The following KCNIP4 variants were observed in gnomAD, a reference collection of about 807,000 sequenced individuals.
The protein encoded by KCNIP4 is Kv channel-interacting protein 4.
KCNIP4 carries 12 observed loss-of-function variants against 34.0 expected under a neutral mutation model. That is an observed-to-expected ratio of 0.35 (90% confidence interval 0.23 to 0.57). The LOEUF (loss-of-function observed/expected upper bound fraction) is 0.57, where lower values mean the gene tolerates loss of function less well. Ranked by LOEUF, KCNIP4 falls within the 20% of genes least tolerant of loss-of-function variation. The probability of loss-of-function intolerance (pLI) is 0.83; values close to 1 mark genes in which losing one functional copy is unlikely to be tolerated. For synonymous variants in KCNIP4, 124 were observed against 102.2 expected, an observed-to-expected ratio of 1.21 and a Z score of -1.29; for missense variants, 238 against 311.7, an observed-to-expected ratio of 0.76 and a Z score of 1.78.
At position 21,396,549 on chromosome 4, in the gene KCNIP4, C is replaced by CAAAA. The variant is rs555585102; in HGVS notation, c.62-513844_62-513841dup. ...CCAGCCTGGTGACAGAGCAAGACTC[C>CAAAA]AAAAAAAAAAAAAAAAAAAGAGGAT... is the stretch of plus-strand genomic sequence containing the variant. On this transcript the variant is annotated intron_variant, in intron 1 of 8. Coordinates refer to ENST00000382152, the MANE Select transcript of KCNIP4 (RefSeq NM_025221.6). Among the ~76,000 whole-genome samples the CAAAA allele has an allele frequency of 1.1e-3, 56 of 52,804 alleles. 4 individuals carry two copies. The highest frequency in any genetic ancestry group is 2.9e-3 in the African/African-American group (52 of 17,652). The allele number at this position is 52,804 out of a possible 152,430, so 34.6% of individuals were successfully genotyped here. A position where few individuals can be genotyped will look rare whatever the true frequency, so the allele number is the denominator to read the frequency against.
rs147754643 is a variant in KCNIP4, at chr4:21,918,383, T to C, written c.61+30188A>G. Among the ~76,000 whole-genome samples, 221 of 152,262 alleles carry C rather than the reference T, an allele frequency of 1.5e-3. 1 individual carries two copies. The highest frequency in any genetic ancestry group is 5.0e-3 in the African/African-American group (208 of 41,558). On this transcript the variant is annotated intron_variant, in intron 1 of 8. Transcript: ENST00000382152. ...TCAACAGGAGGTAAAACTGATAAGA[T>C]TGGACAACTAGTTCTTTCCATGCAC...
At chr4:21,170,606 G>A (rs1753955029) in intron 1 of KCNIP4, among the ~76,000 whole-genome samples, 1 of 152,126 alleles carries the variant, frequency 6.6e-6, no homozygotes, top group Non-Finnish European at 1.5e-5. Flanking sequence ...CATAATAAAT[G>A]TAGCATAGAA....
intron 1 of KCNIP4, among the ~76,000 whole-genome samples, chr4:21,841,633 A>G (rs1723685117): frequency 1.3e-5 from 2 of 152,198 alleles, no homozygotes; most frequent in Non-Finnish European, 1.5e-5. Flanking sequence ...TTCTCCTAAA[A>G]GAATTCCAAG....
chr4:21,919,358 G>A (rs77228727), intron 1 of KCNIP4, among the ~76,000 whole-genome samples: 12 of 152,148 alleles, frequency 7.9e-5, no homozygotes, highest in Non-Finnish European at 1.5e-4. Context: ...TCTTGGATTC[G>A]AAGATAGATA....
intron 3 of KCNIP4, among the ~76,000 whole-genome samples, chr4:20,816,790 C>T (rs917907821): frequency 1.3e-5 from 2 of 152,130 alleles, no homozygotes; most frequent in African/African-American, 4.8e-5. Context: ...CGTCATAGAC[C>T]TAATAATCAG....
chr4:21,190,326 G>A (rs1442621849), intron 1 of KCNIP4, among the ~76,000 whole-genome samples: 4 of 152,076 alleles, frequency 2.6e-5, no homozygotes, highest in African/African-American at 9.7e-5. Flanking sequence ...ATTAGTATTG[G>A]TTCGTTGGTA....
intron 1 of KCNIP4, among the ~76,000 whole-genome samples, chr4:21,368,163 T>A (rs1719974112): frequency 6.8e-6 from 1 of 146,844 alleles, no homozygotes; most frequent in African/African-American, 2.7e-5. Flanking sequence ...TAGTGATACC[T>A]ACTGAGTTGC....
chr4:20,809,604 C>G (rs1188775060), intron 3 of KCNIP4, among the ~76,000 whole-genome samples: 1 of 152,156 alleles, frequency 6.6e-6, no homozygotes, highest in Non-Finnish European at 1.5e-5. Context: ...TCCACCTTTT[C>G]TGGCCATCAA....
intron 1 of KCNIP4, among the ~76,000 whole-genome samples, chr4:21,658,226 C>G (rs565994103): frequency 6.6e-6 from 1 of 152,264 alleles, no homozygotes; most frequent in Admixed American, 6.5e-5. Flanking sequence ...TTTCTAGAAG[C>G]AGACTTTTAA....
chr4:21,129,687 A>C (rs1750911735), intron 1 of KCNIP4, among the ~76,000 whole-genome samples: 1 of 152,152 alleles, frequency 6.6e-6, no homozygotes, highest in Non-Finnish European at 1.5e-5. Context: ...ATGGGAGTGA[A>C]TTTACGAAAG....
chr4:20,911,603 A>C (rs914323786), intron 1 of KCNIP4, among the ~76,000 whole-genome samples: 1 of 152,164 alleles, frequency 6.6e-6, no homozygotes, highest in Admixed American at 6.5e-5. Context: ...GCTAAATTGC[A>C]TTGTTCTACC....
At chr4:21,211,100 T>A (rs941238677) in intron 1 of KCNIP4, among the ~76,000 whole-genome samples, 1 of 152,200 alleles carries the variant, frequency 6.6e-6, no homozygotes, top group African/African-American at 2.4e-5. Context: ...TCATGTGATA[T>A]CTTTTTCTGA....
chr4:20,860,186 T>G (rs2149493683), intron 2 of KCNIP4, among the ~76,000 whole-genome samples: 1 of 152,108 alleles, frequency 6.6e-6, no homozygotes, highest in South Asian at 2.1e-4. Flanking sequence ...GTTGCCCAGG[T>G]TGGAGTGCAG....
At position 21,258,563 on chromosome 4, in the gene KCNIP4, T is replaced by C. The variant is rs937795701; in HGVS notation, c.62-375854A>G. 3.9e-5 allele frequency among the ~76,000 whole-genome samples: 6 copies of C among 152,170 alleles called. No individual in the cohort carries two copies. In the South Asian group the frequency reaches 8.3e-4, roughly 21 times the overall value. On this transcript the variant is annotated intron_variant, in intron 1 of 8. Transcript: ENST00000382152. ...GTTTCTTATATCTTTAAGACAATAA[T>C]TGATATAGTGTGCTCTAATTCTTAA...
At chr4:21,334,700 T>C (rs1465101215) in intron 1 of KCNIP4, among the ~76,000 whole-genome samples, 1 of 152,144 alleles carries the variant, frequency 6.6e-6, no homozygotes, top group Non-Finnish European at 1.5e-5. Context: ...AGGCAAACAC[T>C]AGTCTACATT....
intron 1 of KCNIP4, among the ~76,000 whole-genome samples, chr4:21,142,024 G>A (rs549434793): frequency 5.9e-5 from 9 of 151,712 alleles, no homozygotes; most frequent in African/African-American, 1.2e-4. Context: ...GGTGGTGTGC[G>A]CCTGTAATCC....
chr4:20,858,863 A>T (rs143346700), intron 2 of KCNIP4, among the ~76,000 whole-genome samples: 78 of 152,322 alleles, frequency 5.1e-4, no homozygotes, highest in African/African-American at 1.8e-3. Flanking sequence ...TACAAGGAGT[A>T]AATTGGGACT....
intron 3 of KCNIP4, chr4:20,766,939 G>C (rs1180399369): frequency 1.3e-5 from 2 of 152,190 alleles, no homozygotes; most frequent in Admixed American, 1.3e-4. Context: ...GCTCTCCTCT[G>C]TGAAACGGGG....
chr4:21,703,357 T>A (rs1316611645), intron 1 of KCNIP4, among the ~76,000 whole-genome samples: 2 of 152,222 alleles, frequency 1.3e-5, no homozygotes, highest in Non-Finnish European at 2.9e-5. Flanking sequence ...ACCCAAAGAA[T>A]CTATAAAAAT....
Sources: gnomAD v4.1 joint callset for allele counts (sites outside exome capture counted in the v4.1 genomes callset) on GRCh38, gnomAD v4.1.1 for gene constraint, MANE v1.5 for transcripts, NCBI Gene and HGNC (gene_info 2026-07-23, HGNC 2026-07-21) for gene names.